Variants in SCPPPQ1 observed in about 807,000 individuals in gnomAD.
SCPPPQ1 encodes secretory calcium-binding phosphoprotein proline- and glutamine-rich 1.
the SCPPPQ1 span, among the ~76,000 whole-genome samples, chr4:87,469,130 T>C: frequency 6.6e-6 from 1 of 152,248 alleles, no homozygotes; most frequent in Non-Finnish European, 1.5e-5. Context: ...CATTTCCATG[T>C]AACAGCCTTT....
chr4:87,461,209 T>A, the SCPPPQ1 span, among the ~76,000 whole-genome samples: 1 of 152,222 alleles, frequency 6.6e-6, no homozygotes, highest in African/African-American at 2.4e-5. Flanking sequence ...GGTAGTAGTA[T>A]TCCCATTTCA....
At chr4:87,467,033 A>G in the SCPPPQ1 span, among the ~76,000 whole-genome samples, 2 of 152,176 alleles carry the variant, frequency 1.3e-5, no homozygotes, top group Non-Finnish European at 2.9e-5. Flanking sequence ...GTCTGCACCC[A>G]TGCACTTGCT....
At chr4:87,470,032 T>C in the SCPPPQ1 span, among the ~76,000 whole-genome samples, 1 of 150,356 alleles carries the variant, frequency 6.7e-6, no homozygotes, top group Non-Finnish European at 1.5e-5. Flanking sequence ...TAGCCTCCTG[T>C]ACCCTCGAAC....
At chr4:87,464,099 C>A in the SCPPPQ1 span, among the ~76,000 whole-genome samples, 1 of 152,110 alleles carries the variant, frequency 6.6e-6, no homozygotes, top group Non-Finnish European at 1.5e-5. Flanking sequence ...TGCTCCCTAC[C>A]TTAATTAGGA....
chr4:87,466,119 C>G, the SCPPPQ1 span, among the ~76,000 whole-genome samples: 1 of 152,066 alleles, frequency 6.6e-6, no homozygotes. Flanking sequence ...AGGGCACGGT[C>G]GCTCATGCCT....
the SCPPPQ1 span, among the ~76,000 whole-genome samples, chr4:87,461,361 C>T: frequency 6.6e-6 from 1 of 152,122 alleles, no homozygotes; most frequent in East Asian, 1.9e-4. Context: ...TTTTATGATA[C>T]ATTATTTAAG....
the SCPPPQ1 span, among the ~76,000 whole-genome samples, chr4:87,462,762 C>T: frequency 0.25 from 38,183 of 151,958 alleles, 4,893 homozygotes; most frequent in African/African-American, 0.29. Flanking sequence ...CTTAGGGAGG[C>T]TGAAGCGGGT....
the SCPPPQ1 span, among the ~76,000 whole-genome samples, chr4:87,465,780 C>CAAT: frequency 8.5e-5 from 13 of 152,194 alleles, no homozygotes; most frequent in East Asian, 2.3e-3. Context: ...AGATTAGAAT[C>CAAT]TAGTGGGTTC....
chr4:87,470,470 A>G, the SCPPPQ1 span, among the ~76,000 whole-genome samples: 1 of 152,040 alleles, frequency 6.6e-6, no homozygotes. Context: ...ATTGTATGGG[A>G]AAAATTTTGT....
At chr4:87,465,412 A>G in the SCPPPQ1 span, among the ~76,000 whole-genome samples, 9 of 152,236 alleles carry the variant, frequency 5.9e-5, no homozygotes, top group Admixed American at 3.9e-4. Context: ...AATGTTAGCC[A>G]GTAATTATTG....
At chr4:87,462,642 G>C in the SCPPPQ1 span, among the ~76,000 whole-genome samples, 3 of 152,026 alleles carry the variant, frequency 2.0e-5, no homozygotes, top group Non-Finnish European at 4.4e-5. Flanking sequence ...TCCATTTCTA[G>C]GTGTGGCAGT....
the SCPPPQ1 span, among the ~76,000 whole-genome samples, chr4:87,465,744 TAGAG>T: frequency 1.3e-5 from 2 of 152,120 alleles, no homozygotes; most frequent in African/African-American, 2.4e-5. Context: ...AAATGACACT[TAGAG>T]AGCTCACCTT....
At chr4:87,468,952 G>T in the SCPPPQ1 span, among the ~76,000 whole-genome samples, 1 of 152,062 alleles carries the variant, frequency 6.6e-6, no homozygotes, top group Non-Finnish European at 1.5e-5. Context: ...ATCCAAATCT[G>T]GTTTTCAAAA....
the SCPPPQ1 span, among the ~76,000 whole-genome samples, chr4:87,464,372 C>G: frequency 2.0e-5 from 3 of 151,890 alleles, no homozygotes; most frequent in Admixed American, 6.6e-5. Context: ...GTACCCCCCC[C>G]CAACCCCAAA....
chr4:87,470,018 A>G, the SCPPPQ1 span, among the ~76,000 whole-genome samples: 1 of 148,676 alleles, frequency 6.7e-6, no homozygotes, highest in Non-Finnish European at 1.5e-5. Flanking sequence ...CAGTGGCACA[A>G]TCATAGCCTC....
chr4:87,469,177 C>T, the SCPPPQ1 span, among the ~76,000 whole-genome samples: 1 of 152,150 alleles, frequency 6.6e-6, no homozygotes, highest in African/African-American at 2.4e-5. Flanking sequence ...AAGGGCATTA[C>T]AAATGAAACT....
chr4:87,467,215 T>C, the SCPPPQ1 span, among the ~76,000 whole-genome samples: 33 of 152,332 alleles, frequency 2.2e-4, no homozygotes, highest in South Asian at 1.2e-3. Flanking sequence ...TCTGAACTTA[T>C]ACTGTTTGTA....
At chr4:87,462,825 C>A in the SCPPPQ1 span, among the ~76,000 whole-genome samples, 1 of 151,946 alleles carries the variant, frequency 6.6e-6, no homozygotes, top group Non-Finnish European at 1.5e-5. Context: ...TGGTGAAACC[C>A]CGTCTCTACT....
At chr4:87,468,096 T>G in the SCPPPQ1 span, among the ~76,000 whole-genome samples, 1 of 152,202 alleles carries the variant, frequency 6.6e-6, no homozygotes, top group Non-Finnish European at 1.5e-5. Context: ...TAAAGGAGAA[T>G]AAGTAATAAG....
Sources: gnomAD v4.1 joint callset for allele counts (sites outside exome capture counted in the v4.1 genomes callset) on GRCh38, gnomAD v4.1.1 for gene constraint, MANE v1.5 for transcripts, NCBI Gene and HGNC (gene_info 2026-07-23, HGNC 2026-07-21) for gene names.